SLC9A9: variants seen among roughly 807,000 people sequenced by gnomAD.
SLC9A9 encodes the protein sodium/hydrogen exchanger 9.
SLC9A9 carries 62 observed loss-of-function variants against 77.8 expected under a neutral mutation model. The observed-to-expected ratio is 0.80, with a 90% CI of 0.65 to 0.98. The LOEUF (loss-of-function observed/expected upper bound fraction) is 0.98, where lower values mean the gene tolerates loss of function less well. Among genes scored for constraint, SLC9A9 ranks in the 50% least tolerant of loss-of-function variants. The pLI, the probability that SLC9A9 is intolerant of heterozygous loss-of-function variation, is 0.00. For missense variants in SLC9A9, 775 were observed against 774.9 expected, an observed-to-expected ratio of 1.00 and a Z score of 0.00; for synonymous variants, 320 against 283.5, an observed-to-expected ratio of 1.13 and a Z score of -1.29.
chr3:143,693,901 T>G (rs1933552238), intron 4 of SLC9A9, among the ~76,000 whole-genome samples: 4 of 152,168 alleles, frequency 2.6e-5, no homozygotes, highest in African/African-American at 9.7e-5. Context: ...CTGAAATAGT[T>G]GCATTGCGAT....
intron 2 of SLC9A9, among the ~76,000 whole-genome samples, chr3:143,805,510 A>G (rs181617601): frequency 3.9e-5 from 6 of 152,308 alleles, no homozygotes; most frequent in Non-Finnish European, 7.4e-5. Context: ...AAGCCATCTT[A>G]TCCCCTGTGA....
At chr3:143,632,685 G>T (rs2038447605) in intron 6 of SLC9A9, among the ~76,000 whole-genome samples, 1 of 152,136 alleles carries the variant, frequency 6.6e-6, no homozygotes, top group Admixed American at 6.6e-5. Flanking sequence ...GGAACTTAAA[G>T]AAAAAATAAT....
At chr3:143,671,855 C>T (rs1313093191) in intron 5 of SLC9A9, among the ~76,000 whole-genome samples, 1 of 152,160 alleles carries the variant, frequency 6.6e-6, no homozygotes, top group African/African-American at 2.4e-5. Context: ...TCCTCTGACT[C>T]CCTCTGAGGT....
chr3:143,550,441 G>T (rs1417395027), intron 9 of SLC9A9, among the ~76,000 whole-genome samples: 2 of 152,116 alleles, frequency 1.3e-5, no homozygotes, highest in African/African-American at 4.8e-5. Flanking sequence ...GGATCAGCTT[G>T]GCCTCTGGAC....
intron 9 of SLC9A9, among the ~76,000 whole-genome samples, chr3:143,551,816 G>A (rs1275578642): frequency 6.6e-6 from 1 of 152,196 alleles, no homozygotes. Context: ...CTAGTAGCTA[G>A]CATGGTGCTT....
intron 14 of SLC9A9, among the ~76,000 whole-genome samples, chr3:143,346,555 G>T (rs2032278784): frequency 1.3e-5 from 2 of 152,140 alleles, no homozygotes; most frequent in African/African-American, 4.8e-5. Flanking sequence ...GGGAGGCTGA[G>T]TCGGGGGGGA....
chr3:143,686,561 C>T (rs1933272882), intron 5 of SLC9A9, among the ~76,000 whole-genome samples: 2 of 152,204 alleles, frequency 1.3e-5, no homozygotes, highest in African/African-American at 4.8e-5. Flanking sequence ...TACACCAAAG[C>T]AGCCACAAAA....
At chr3:143,729,958 A>G (rs1934757948) in intron 4 of SLC9A9, among the ~76,000 whole-genome samples, 1 of 152,222 alleles carries the variant, frequency 6.6e-6, no homozygotes, top group Non-Finnish European at 1.5e-5. Flanking sequence ...TATGATAGTT[A>G]CTTGTTATGT....
intron 6 of SLC9A9, among the ~76,000 whole-genome samples, chr3:143,648,538 AC>A (rs2038742442): frequency 6.6e-6 from 1 of 152,148 alleles, no homozygotes; most frequent in Non-Finnish European, 1.5e-5. Context: ...CAGGCCACAG[AC>A]CAGTGCCGGT....
At chr3:143,672,840 T>G (rs191476359) in intron 5 of SLC9A9, among the ~76,000 whole-genome samples, 6 of 152,342 alleles carry the variant, frequency 3.9e-5, no homozygotes, top group African/African-American at 1.4e-4. Flanking sequence ...TTAAAAAATA[T>G]GCTGTGCTTC....
chr3:143,269,993 G>A (rs140763852), intron 14 of SLC9A9, among the ~76,000 whole-genome samples: 25 of 152,310 alleles, frequency 1.6e-4, no homozygotes, highest in African/African-American at 6.0e-4. Context: ...GGAAGATGCA[G>A]CCCAGTGGAG....
At chr3:143,791,642 T>A (rs996266499) in intron 4 of SLC9A9, among the ~76,000 whole-genome samples, 1 of 152,206 alleles carries the variant, frequency 6.6e-6, no homozygotes, top group Non-Finnish European at 1.5e-5. Flanking sequence ...CTAATGCACT[T>A]AATGGCATGG....
At chr3:143,784,504 T>C (rs1173440563) in intron 4 of SLC9A9, among the ~76,000 whole-genome samples, 1 of 151,766 alleles carries the variant, frequency 6.6e-6, no homozygotes, top group Admixed American at 6.6e-5. Context: ...TTATTTTCTT[T>C]TCTTTCTTAA....
chr3:143,493,849 G>T, intron 10 of SLC9A9, 85 bp from the exon 11 acceptor site: 2 of 1,004,054 alleles, frequency 2.0e-6, no homozygotes, highest in Admixed American at 1.8e-5. Context: ...ATGTCCTCAA[G>T]CTTCTCTTCA....
intron 4 of SLC9A9, among the ~76,000 whole-genome samples, chr3:143,772,429 G>A (rs1378072131): frequency 6.6e-6 from 1 of 152,192 alleles, no homozygotes; most frequent in African/African-American, 2.4e-5. Context: ...CAGGCTTGAG[G>A]ATTAAAATGT....
At chr3:143,554,750 C>T (rs990685316) in intron 8 of SLC9A9, among the ~76,000 whole-genome samples, 6 of 152,164 alleles carry the variant, frequency 3.9e-5, no homozygotes, top group African/African-American at 1.4e-4. Context: ...CACCGCCTTA[C>T]CTTTCAATAT....
chr3:143,684,667 T>C (rs2108776013), intron 5 of SLC9A9, among the ~76,000 whole-genome samples: 1 of 152,188 alleles, frequency 6.6e-6, no homozygotes, highest in African/African-American at 2.4e-5. Context: ...AATTGAGACA[T>C]TTGGGCAGGA....
chr3:143,810,798 T>C (rs1210611739), intron 2 of SLC9A9, among the ~76,000 whole-genome samples: 1 of 152,232 alleles, frequency 6.6e-6, no homozygotes, highest in African/African-American at 2.4e-5. Context: ...AACCCTCTTT[T>C]TGCTGCGAAG....
chr3:143,762,777 T>C (rs527422231), intron 4 of SLC9A9, among the ~76,000 whole-genome samples: 61 of 152,280 alleles, frequency 4.0e-4, no homozygotes, highest in African/African-American at 1.4e-3. Context: ...ATGGCCAGTG[T>C]GGCACTGTCC....
Sources: gnomAD v4.1 joint callset for allele counts (sites outside exome capture counted in the v4.1 genomes callset) on GRCh38, gnomAD v4.1.1 for gene constraint, MANE v1.5 for transcripts, NCBI Gene and HGNC (gene_info 2026-07-23, HGNC 2026-07-21) for gene names.